CNTN1: variants seen among roughly 807,000 people sequenced by gnomAD.
CNTN1 encodes the protein contactin-1.
A neutral mutation model predicts 126.4 loss-of-function variants in CNTN1; 38 were observed. The observed-to-expected ratio is 0.30, with a 90% CI of 0.23 to 0.39. The LOEUF is 0.39. Among genes scored for constraint, CNTN1 ranks in the 10% least tolerant of loss-of-function variants. The probability of loss-of-function intolerance (pLI) is 1.00; values close to 1 mark genes in which losing one functional copy is unlikely to be tolerated. For synonymous variants in CNTN1, 413 were observed against 422.6 expected (o/e 0.98, Z 0.28); for missense variants, 1,009 against 1,248.4 (o/e 0.81, Z 2.89).
At chr12:40,822,677 G>T (rs1941490353) in intron 1 of CNTN1, among the ~76,000 whole-genome samples, 1 of 152,014 alleles carries the variant, frequency 6.6e-6, no homozygotes, top group African/African-American at 2.4e-5. Flanking sequence ...GTACCTTTAA[G>T]AAAGTTATTT....
chr12:40,708,124 C>T (rs1941816948), intron 1 of CNTN1, among the ~76,000 whole-genome samples: 1 of 152,130 alleles, frequency 6.6e-6, no homozygotes, highest in Non-Finnish European at 1.5e-5. Flanking sequence ...GTATATTACT[C>T]ATACTATGCT....
intron 15 of CNTN1, among the ~76,000 whole-genome samples, chr12:40,968,322 A>C (rs889754846): frequency 7.9e-5 from 12 of 152,162 alleles, no homozygotes; most frequent in Admixed American, 3.9e-4. Flanking sequence ...AGTGTCACTG[A>C]TACTGATCTT....
intron 1 of CNTN1, among the ~76,000 whole-genome samples, chr12:40,824,803 A>G (rs908017112): frequency 3.3e-5 from 5 of 152,088 alleles, no homozygotes; most frequent in African/African-American, 1.2e-4. Flanking sequence ...TCAATGAATC[A>G]TTTCCCAATG....
Position 40,924,489 on chromosome 12 carries a change from AATTGATGAATGTCTCTCTTTCT to A in CNTN1, c.401-62_401-41del, listed in dbSNP as rs1945562238. 9 of 869,152 alleles carry A rather than the reference AATTGATGAATGTCTCTCTTTCT, an allele frequency of 1.0e-5. No homozygotes were observed. In the South Asian group the frequency reaches 1.3e-4, roughly 12 times the overall value. 53.8% of individuals were successfully genotyped at this position (869,152 alleles called of 1,614,324 possible). A position where few individuals can be genotyped will look rare whatever the true frequency, so the allele number is the denominator to read the frequency against. ...GAATGAGTTATTTGCTGAAAGGTAA[AATTGATGAATGTCTCTCTTTCT>A]ATTGACCAGAGAGTGAATGTTTCTC... On this transcript the variant is annotated intron_variant, in intron 5 of 23. Coordinates refer to ENST00000551295, the MANE Select transcript of CNTN1 (RefSeq NM_001843.4).
At chr12:41,040,011 A>C (rs950477699) in intron 23 of CNTN1, among the ~76,000 whole-genome samples, 1 of 152,060 alleles carries the variant, frequency 6.6e-6, no homozygotes, top group African/African-American at 2.4e-5. Flanking sequence ...CCATTTCTCC[A>C]CTTGAGAGGC....
At chr12:40,864,234 G>A (rs146704851) in intron 1 of CNTN1, among the ~76,000 whole-genome samples, 158 of 151,648 alleles carry the variant, frequency 1.0e-3, no homozygotes, top group African/African-American at 3.6e-3. Flanking sequence ...TGGTTAGGCT[G>A]GTCTCGAACT....
intron 14 of CNTN1, among the ~76,000 whole-genome samples, chr12:40,955,243 A>C (rs1592317184): frequency 6.6e-6 from 1 of 152,146 alleles, no homozygotes; most frequent in South Asian, 2.1e-4. Flanking sequence ...CCAAGCAAAG[A>C]AAGATATTAT....
At chr12:40,857,891 G>T (rs189847429) in intron 1 of CNTN1, among the ~76,000 whole-genome samples, 13 of 152,210 alleles carry the variant, frequency 8.5e-5, no homozygotes, top group African/African-American at 2.6e-4. Flanking sequence ...TGGTAGTGGT[G>T]GTGGTGGGAT....
chr12:40,994,247 C>T (rs189498363), intron 17 of CNTN1, among the ~76,000 whole-genome samples: 1 of 152,194 alleles, frequency 6.6e-6, no homozygotes, highest in African/African-American at 2.4e-5. Context: ...AGTATCCTTT[C>T]TCTCTGACGA....
At chr12:40,801,344 T>C (rs996694925) in intron 1 of CNTN1, among the ~76,000 whole-genome samples, 2 of 151,958 alleles carry the variant, frequency 1.3e-5, no homozygotes, top group Non-Finnish European at 2.9e-5. Context: ...CTCTGATAAA[T>C]GAAAGTCAAA....
At chr12:40,959,082 CT>C (rs2137006488) in intron 14 of CNTN1, 31 bp from the exon 15 acceptor site, 1 of 1,611,134 alleles carries the variant, frequency 6.2e-7, no homozygotes, top group Middle Eastern at 1.7e-4. Context: ...GAAAAATGTA[CT>C]GATTTGAATA....
intron 1 of CNTN1, among the ~76,000 whole-genome samples, chr12:40,772,108 A>G (rs1302359732): frequency 6.6e-6 from 1 of 152,060 alleles, no homozygotes; most frequent in Non-Finnish European, 1.5e-5. Flanking sequence ...AACCCTTCAT[A>G]TAAACTTTTT....
At chr12:41,039,898 G>T (rs1256016165) in intron 23 of CNTN1, among the ~76,000 whole-genome samples, 1 of 152,110 alleles carries the variant, frequency 6.6e-6, no homozygotes, top group Non-Finnish European at 1.5e-5. Context: ...AATATTTTCA[G>T]CTGTTAGTAA....
intron 23 of CNTN1, among the ~76,000 whole-genome samples, chr12:41,030,896 C>T (rs1421548382): frequency 6.6e-6 from 1 of 152,098 alleles, no homozygotes; most frequent in Non-Finnish European, 1.5e-5. Context: ...AGAACTTTGT[C>T]AACATCTTCA....
chr12:40,741,154 A>C (rs1937929490), intron 1 of CNTN1, among the ~76,000 whole-genome samples: 2 of 152,112 alleles, frequency 1.3e-5, no homozygotes, highest in Non-Finnish European at 1.5e-5. Flanking sequence ...AATTGCATAC[A>C]TGCCCAAACA....
At chr12:40,906,691 T>TTTTTTTA in intron 1 of CNTN1, among the ~76,000 whole-genome samples, 1 of 147,798 alleles carries the variant, frequency 6.8e-6, no homozygotes, top group Admixed American at 6.8e-5. Context: ...TTTGTTTTTT[T>TTTTTTTA]TGAGATGGAG....
rs200237008 is a variant in CNTN1, at chr12:41,002,554, C to CTTTTTTT, written c.2113+9288_2113+9289insTTTTTTT. On this transcript the variant is annotated intron_variant, in intron 17 of 23. Coordinates refer to ENST00000551295, the MANE Select transcript of CNTN1 (RefSeq NM_001843.4). ...CTTTTGGGCTGAGACTATAGGGTTTCTTTCTTTTTTTTTTTTTTTTTGAGA... is the reference window on the plus strand; with the variant it reads ...CTTTTGGGCTGAGACTATAGGGTTTCTTTTTTTTTTCTTTTTTTTTTTTTTTTTGAGA... Among the ~76,000 whole-genome samples the CTTTTTTT allele has an allele frequency of 3.8e-5, 5 of 131,512 alleles. 1 individual carries two copies. The highest frequency in any genetic ancestry group is 6.2e-5 in the African/African-American group (2 of 32,374). The allele number at this position is 131,512 out of a possible 152,430, so 86.3% of individuals were successfully genotyped here.
chr12:40,812,493 A>C (rs530849728), intron 1 of CNTN1, among the ~76,000 whole-genome samples: 16 of 152,188 alleles, frequency 1.1e-4, no homozygotes, highest in Admixed American at 3.3e-4. Context: ...CCATTGTTGA[A>C]AATGGGGTAT....
intron 15 of CNTN1, among the ~76,000 whole-genome samples, chr12:40,966,715 A>G (rs1302670586): frequency 2.0e-5 from 3 of 152,192 alleles, no homozygotes; most frequent in Non-Finnish European, 2.9e-5. Flanking sequence ...ATTTTTTCAA[A>G]TATGGCCACA....
Sources: allele counts gnomAD v4.1 joint callset (sites outside exome capture counted in the v4.1 genomes callset), GRCh38; gene constraint gnomAD v4.1.1; transcripts MANE v1.5; gene names NCBI Gene and HGNC (gene_info 2026-07-23, HGNC 2026-07-21).